Variants in ARHGAP15 observed in about 807,000 individuals in gnomAD.
ARHGAP15 encodes rho GTPase-activating protein 15.
ARHGAP15 carries 51 observed loss-of-function variants against 63.7 expected under a neutral mutation model. The ratio of observed to expected loss-of-function variants is 0.80; its 90% CI spans 0.64 to 1.01. The LOEUF is 1.01. Ranked by LOEUF, ARHGAP15 falls within the 50% of genes least tolerant of loss-of-function variation. ARHGAP15 has a pLI of 0.00. For missense variants in ARHGAP15, 560 were observed against 564.6 expected, an observed-to-expected ratio of 0.99 and a Z score of 0.08; for synonymous variants, 191 against 193.8, an observed-to-expected ratio of 0.99 and a Z score of 0.12.
intron 13 of ARHGAP15, among the ~76,000 whole-genome samples, chr2:143,723,926 A>T (rs189524863): frequency 6.6e-6 from 1 of 152,330 alleles, no homozygotes; most frequent in Admixed American, 6.5e-5. Flanking sequence ...AAGAGAATCT[A>T]AAGAACTGGG....
At chr2:143,173,784 T>C (rs1291339814) in intron 2 of ARHGAP15, among the ~76,000 whole-genome samples, 3 of 152,234 alleles carry the variant, frequency 2.0e-5, no homozygotes, top group African/African-American at 4.8e-5. Flanking sequence ...ACCAAGTTGT[T>C]TGTAACTTCT....
intron 6 of ARHGAP15, among the ~76,000 whole-genome samples, chr2:143,383,242 CT>C (rs1420953564): frequency 1.3e-5 from 2 of 152,104 alleles, no homozygotes; most frequent in Non-Finnish European, 2.9e-5. Flanking sequence ...TCAAAGTTTT[CT>C]TCTAATAACA....
At chr2:143,243,938 G>GT (rs894889581) in intron 5 of ARHGAP15, among the ~76,000 whole-genome samples, 2 of 151,818 alleles carry the variant, frequency 1.3e-5, no homozygotes, top group African/African-American at 2.4e-5. Context: ...TAAGAACTTT[G>GT]TTTTTTTATC....
At chr2:143,345,252 A>AGAG (rs36100774) in intron 6 of ARHGAP15, among the ~76,000 whole-genome samples, 125,238 of 151,672 alleles carry the variant, frequency 0.83, 52,052 homozygotes, top group East Asian at 0.98. Context: ...ATATGAAATC[A>AGAG]AAGAGCTACA....
At chr2:143,761,596 G>A (rs891387377) in intron 13 of ARHGAP15, among the ~76,000 whole-genome samples, 1 of 152,058 alleles carries the variant, frequency 6.6e-6, no homozygotes, top group Non-Finnish European at 1.5e-5. Flanking sequence ...ATTAATTTTT[G>A]GTTGTATATT....
chr2:143,133,290 C>A (rs1235895341), intron 1 of ARHGAP15, among the ~76,000 whole-genome samples: 1 of 152,118 alleles, frequency 6.6e-6, no homozygotes, highest in African/African-American at 2.4e-5. Flanking sequence ...AGTGTGAATT[C>A]TCCAGTTTTG....
intron 6 of ARHGAP15, among the ~76,000 whole-genome samples, chr2:143,425,870 A>G (rs1689119555): frequency 6.6e-6 from 1 of 152,190 alleles, no homozygotes; most frequent in Non-Finnish European, 1.5e-5. Context: ...GTAAGTTTGT[A>G]GTATTACACT....
Position 143,374,498 on chromosome 2 carries a change from T to TG in ARHGAP15, c.475-61096dup, listed in dbSNP as rs569912867. The stretch of plus-strand genomic sequence containing the variant: ...CCTATGACCATAGTAGGTTGTTTTT[T>TG]GGGGGGGTTTCTGTTTGCTTTTTTG... On this transcript the variant is annotated intron_variant, in intron 6 of 13. Transcript: ENST00000295095. Among the ~76,000 whole-genome samples, 346 of 152,134 alleles carry TG rather than the reference T, an allele frequency of 2.3e-3. 1 individual carries two copies. The highest frequency in any genetic ancestry group is 4.1e-3 in the Admixed American group (62 of 15,278).
At chr2:143,259,996 A>AT (rs1286576378) in intron 6 of ARHGAP15, among the ~76,000 whole-genome samples, 1 of 152,224 alleles carries the variant, frequency 6.6e-6, no homozygotes, top group Non-Finnish European at 1.5e-5. Context: ...CTAAGCATGA[A>AT]TTTTTTTAAG....
At chr2:143,631,050 C>A (rs1221916972) in intron 12 of ARHGAP15, among the ~76,000 whole-genome samples, 1 of 152,040 alleles carries the variant, frequency 6.6e-6, no homozygotes, top group African/African-American at 2.4e-5. Flanking sequence ...GATACATTTA[C>A]ATTTTCTAGA....
intron 2 of ARHGAP15, among the ~76,000 whole-genome samples, chr2:143,166,499 C>G (rs1340858744): frequency 1.3e-5 from 2 of 152,064 alleles, no homozygotes; most frequent in Non-Finnish European, 2.9e-5. Context: ...TCTCTGTCCT[C>G]TAGGAGGTTA....
chr2:143,468,409 A>G (rs1003927624), intron 8 of ARHGAP15, among the ~76,000 whole-genome samples: 5 of 152,140 alleles, frequency 3.3e-5, no homozygotes, highest in Non-Finnish European at 1.5e-5. Context: ...CTCATTTGTG[A>G]ACATAAGGTG....
intron 11 of ARHGAP15, among the ~76,000 whole-genome samples, chr2:143,576,662 G>C (rs1006607056): frequency 6.6e-6 from 1 of 151,960 alleles, no homozygotes; most frequent in African/African-American, 2.4e-5. Context: ...CAAAGAACAG[G>C]AAATATCAGA....
At chr2:143,520,178 G>T (rs996665835) in intron 10 of ARHGAP15, among the ~76,000 whole-genome samples, 5 of 152,178 alleles carry the variant, frequency 3.3e-5, no homozygotes, top group Admixed American at 3.3e-4. Flanking sequence ...GGTGTTTTCA[G>T]AAAAAAGGAT....
intron 12 of ARHGAP15, among the ~76,000 whole-genome samples, chr2:143,653,534 A>G (rs1681280152): frequency 6.6e-6 from 1 of 152,104 alleles, no homozygotes; most frequent in Non-Finnish European, 1.5e-5. Context: ...TGTTCATAAT[A>G]TTTTCTTATC....
intron 11 of ARHGAP15, among the ~76,000 whole-genome samples, chr2:143,604,704 A>G (rs1697915822): frequency 6.6e-6 from 1 of 152,192 alleles, no homozygotes; most frequent in African/African-American, 2.4e-5. Context: ...CAAAGAAGAT[A>G]TGATAGAATT....
chr2:143,642,629 G>A (rs1437096887), intron 12 of ARHGAP15, among the ~76,000 whole-genome samples: 1 of 152,050 alleles, frequency 6.6e-6, no homozygotes, highest in African/African-American at 2.4e-5. Flanking sequence ...TACTGAAGAA[G>A]TAAGAGGTAC....
intron 2 of ARHGAP15, among the ~76,000 whole-genome samples, chr2:143,201,022 C>T (rs1349018252): frequency 6.6e-6 from 1 of 152,058 alleles, no homozygotes; most frequent in Non-Finnish European, 1.5e-5. Context: ...GTTTCTACCC[C>T]ACGATATATT....
chr2:143,510,979 A>G (rs1378920905), intron 9 of ARHGAP15, among the ~76,000 whole-genome samples: 1 of 152,230 alleles, frequency 6.6e-6, no homozygotes, highest in Non-Finnish European at 1.5e-5. Flanking sequence ...TCTATTGAGC[A>G]GTTGTCCTCA....
Sources: allele counts gnomAD v4.1 joint callset (sites outside exome capture counted in the v4.1 genomes callset), GRCh38; gene constraint gnomAD v4.1.1; transcripts MANE v1.5; gene names NCBI Gene and HGNC (gene_info 2026-07-23, HGNC 2026-07-21).